NID2: variants seen among roughly 807,000 people sequenced by gnomAD.
NID2 encodes the protein nidogen-2.
In NID2, 83 loss-of-function variants were observed where a neutral mutation model predicts 145.4. That is an observed-to-expected ratio of 0.57 (90% CI 0.48 to 0.69). The LOEUF is 0.69. Ranked by LOEUF, NID2 falls within the 30% of genes least tolerant of loss-of-function variation. NID2 has a pLI of 0.00. For synonymous variants in NID2, 739 were observed against 701.3 expected (o/e 1.05, Z -0.85); for missense variants, 1,807 against 1,765.7 (o/e 1.02, Z -0.42).
At chr14:52,030,098 A>G (rs1891745513) in intron 9 of NID2, among the ~76,000 whole-genome samples, 2 of 152,220 alleles carry the variant, frequency 1.3e-5, no homozygotes, top group Admixed American at 6.5e-5. Flanking sequence ...GCCCAAGCTC[A>G]CAAAGTCAGG....
At position 52,042,232 on chromosome 14, in the gene NID2, G is replaced by A; in HGVS notation, c.1698C>T (p.Tyr566=). ...AYIVGNDGRA[Y]TAISHIPQPA... is the part of the protein sequence containing the mutation. ...GCTGTGGGATGTGGCTGATGGCCGT[G>A]TAGGCTCTGCCATCATTGCCCACGA... The change falls in exon 7 of 22, where the codon TAC becomes TAT. Residue 566 remains tyrosine (Y), a synonymous_variant. Transcript: ENST00000216286. 1 of 1,614,178 alleles carries A rather than the reference G, an allele frequency of 6.2e-7. No homozygotes were observed. The highest frequency in any genetic ancestry group is 8.5e-7 in the Non-Finnish European group (1 of 1,180,022).
intron 2 of NID2, among the ~76,000 whole-genome samples, chr14:52,065,250 T>C (rs1893147765): frequency 6.6e-6 from 1 of 152,202 alleles, no homozygotes; most frequent in Non-Finnish European, 1.5e-5. Flanking sequence ...TTCCAGTAAC[T>C]TTGCAATATA....
At chr14:52,008,045 T>C in intron 18 of NID2, 78 bp from the exon 19 acceptor site, 1 of 1,152,080 alleles carries the variant, frequency 8.7e-7, no homozygotes. Flanking sequence ...CCCCCAGTGA[T>C]CTCCATCTCC....
intron 12 of NID2, among the ~76,000 whole-genome samples, chr14:52,021,222 GAAA>G (rs35210822): frequency 6.6e-6 from 1 of 150,782 alleles, no homozygotes; most frequent in Non-Finnish European, 1.5e-5. Flanking sequence ...TGTGTGAATA[GAAA>G]AAAAAAAAAT....
In NID2 at chr14:52,030,567, A is replaced by AGAAAGAAAGAACGAAC. The variant is rs66551436; in HGVS notation, c.2258-878_2258-877insGTTCGTTCTTTCTTTC. Among the ~76,000 whole-genome samples the AGAAAGAAAGAACGAAC allele has an allele frequency of 1.1e-4, 11 of 99,322 alleles. 1 individual carries two copies. The Middle Eastern group carries it at 0.015, about 137-fold the overall frequency. The allele number at this position is 99,322 out of a possible 152,430, so 65.2% of individuals were successfully genotyped here. ...AAGAAAGAAAGAAAGAAAGAAAGAA[A>AGAAAGAAAGAACGAAC]GGAAGGAAGGGAAAGAAAGAAAGAA... On this transcript the variant is annotated intron_variant, in intron 9 of 21. Transcript: ENST00000216286.
In NID2 at chr14:52,060,364, GAAAAAAA is replaced by G; in HGVS notation, c.535-15_535-9del. On this transcript the variant is annotated splice_polypyrimidine_tract_variant and intron_variant, in intron 2 of 21. Transcript: ENST00000216286. ...TGCCTGGAAAGTGTTCAGCTGTGAG[GAAAAAAA>G]AAAAAAAAGAGAGAGAGAGAGAGAG... 1 of 741,878 alleles carries G rather than the reference GAAAAAAA, an allele frequency of 1.3e-6. No individual in the cohort carries two copies. Among genetic ancestry groups the G allele is most frequent in the Non-Finnish European group, 1.8e-6 (1 of 546,800 alleles). The allele number at this position is 741,878 out of a possible 1,614,324, so 46.0% of individuals were successfully genotyped here.
At position 52,042,132 on chromosome 14, in the gene NID2, C is replaced by T. The variant is rs770716452; in HGVS notation, c.1798G>A (p.Gly600Ser). The change falls in exon 7 of 22, where the codon GGC becomes AGC. Residue 600 changes from glycine (G) to serine (S), a missense_variant. By Grantham distance (56) the Gly-to-Ser change is moderately conservative. Coordinates refer to ENST00000216286, the MANE Select transcript of NID2 (RefSeq NM_007361.4). ...GCGAGGCTGAAGCCGTTCTCAGAGC[C>T]AGGTTTTTCTAAAGCAAAGAGCCAG... ...FGWLFALEKP[G>S]SENGFSLAGA... The T allele has an allele frequency of 6.8e-6, 11 of 1,606,142 alleles. No individual in the cohort carries two copies. The African/African-American group carries it at 1.1e-4, about 16-fold the overall frequency.
chr14:52,061,895 A>G (rs1484954316), intron 2 of NID2, among the ~76,000 whole-genome samples: 5 of 152,228 alleles, frequency 3.3e-5, no homozygotes, highest in East Asian at 1.9e-4. Context: ...TTAGTAAGGA[A>G]CTGGGAAGGT....
At position 52,005,747 on chromosome 14, in the gene NID2, G is replaced by T; in HGVS notation, c.4107C>A (p.Tyr1369Ter). 6.2e-7 allele frequency: 1 copy of T among 1,612,504 alleles called. No individual in the cohort carries two copies. The highest frequency in any genetic ancestry group is 8.5e-7 in the Non-Finnish European group (1 of 1,178,508). ...AAGCATACTTTTTACCTGTTGGGCA[G>T]TAGGGGTAGACTGCAGTTATCCCGT... ...HLYGITAVYP[Y>*]CPTGRK The change falls in exon 21 of 22, where the codon TAC becomes TAA. Residue 1369 changes from tyrosine (Y) to a stop codon, truncating the protein, a stop_gained. Transcript: ENST00000216286. LOFTEE classifies it high-confidence loss of function.
chr14:52,064,841 C>G (rs1357390179), intron 2 of NID2, among the ~76,000 whole-genome samples: 1 of 152,180 alleles, frequency 6.6e-6, no homozygotes, highest in African/African-American at 2.4e-5. Flanking sequence ...GACTTAAATT[C>G]CAGATAAACA....
chr14:52,068,142 A>C lies in NID2; in HGVS notation c.250T>G (p.Ser84Ala), dbSNP rs1446084345. 17 of 1,613,202 alleles carry C rather than the reference A, an allele frequency of 1.1e-5. No homozygotes were observed. Among genetic ancestry groups the C allele is most frequent in the Non-Finnish European group, 1.4e-5 (17 of 1,179,882 alleles). The stretch of plus-strand genomic sequence containing the variant: ...GTTTCCCTGGGGAAGTCCTGAGTGG[A>C]GATGATGCCGTTGGTGCCCACCTGG... ...NLYVGTNGII[S>A]TQDFPRETQY... Residue 84 changes from serine (S) to alanine (A), a missense_variant, in exon 2 of 22, where the codon TCC becomes GCC. Ser to Ala is a moderately conservative substitution (Grantham distance 99, BLOSUM62 1). Transcript: ENST00000216286.
intron 1 of NID2, 64 bp downstream of exon 1, chr14:52,068,703 T>G: frequency 7.0e-7 from 1 of 1,432,818 alleles, no homozygotes. Flanking sequence ...GGAGGCAGGG[T>G]TTCCGTGAGA....
At chr14:52,030,708 G>A (rs899654116) in intron 9 of NID2, among the ~76,000 whole-genome samples, 3 of 152,142 alleles carry the variant, frequency 2.0e-5, no homozygotes, top group Non-Finnish European at 2.9e-5. Context: ...AAAATTAGCC[G>A]AGCATGGTGG....
chr14:52,068,280 G>C (rs1159119995), intron 1 of NID2, 117 bp from the exon 2 acceptor site: 1 of 958,556 alleles, frequency 1.0e-6, no homozygotes, highest in Non-Finnish European at 1.6e-6. Context: ...CTTCCCCACT[G>C]GCCAGGGAGT....
intron 16 of NID2, chr14:52,011,977 A>T: frequency 3.4e-6 from 1 of 293,704 alleles, no homozygotes. Context: ...AAGTGCTTGT[A>T]AAGTGTCCTA....
At chr14:52,021,288 A>G (rs1036342360) in intron 12 of NID2, among the ~76,000 whole-genome samples, 1 of 152,202 alleles carries the variant, frequency 6.6e-6, no homozygotes, top group Non-Finnish European at 1.5e-5. Context: ...TGTTGCATCA[A>G]TACGGTGCAG....
chr14:52,048,790 C>T lies in NID2; in HGVS notation c.1429+4789G>A, dbSNP rs1325257150. On this transcript the variant is annotated intron_variant, in intron 5 of 21. Coordinates refer to ENST00000216286, the MANE Select transcript of NID2 (RefSeq NM_007361.4). The stretch of plus-strand genomic sequence containing the variant: ...GAAATAGTATGGTCAGGGAAGACCT[C>T]GGGAGAAGGAGACATTTGGGCAGAG... Among the ~76,000 whole-genome samples, 6 of 151,982 alleles carry T rather than the reference C, an allele frequency of 3.9e-5. No homozygotes were observed. The East Asian group carries it at 1.2e-3, about 29-fold the overall frequency.
chr14:52,048,493 T>C (rs1046871548), intron 5 of NID2, among the ~76,000 whole-genome samples: 1 of 152,192 alleles, frequency 6.6e-6, no homozygotes, highest in East Asian at 1.9e-4. Flanking sequence ...AGATGTGCAA[T>C]AAACCCACCC....
At chr14:52,007,265 G>A (rs1241137804) in intron 19 of NID2, 1 of 155,632 alleles carries the variant, frequency 6.4e-6, no homozygotes, top group African/African-American at 2.4e-5. Context: ...AGTGACCTAT[G>A]TACATTAGGC....
Sources: allele counts gnomAD v4.1 joint callset (sites outside exome capture counted in the v4.1 genomes callset), GRCh38; gene constraint gnomAD v4.1.1; transcripts MANE v1.5; gene names NCBI Gene and HGNC (gene_info 2026-07-23, HGNC 2026-07-21).